Variants in SECISBP2L observed in about 807,000 individuals in gnomAD.
The protein encoded by SECISBP2L is SECIS binding protein 2 like, also known as selenocysteine insertion sequence-binding protein 2-like.
A neutral mutation model predicts 114.7 loss-of-function variants in SECISBP2L; 43 were observed. The observed-to-expected ratio is 0.38, with a 90% confidence interval of 0.29 to 0.48. The LOEUF is 0.48. SECISBP2L is among the 20% of genes least tolerant of loss of function. The pLI is 0.98. For missense variants in SECISBP2L, 1,136 were observed against 1,301.1 expected (o/e 0.87, Z 1.95); for synonymous variants, 451 against 439.7 (o/e 1.03, Z -0.32).
At chr15:49,036,092 G>A (rs1333964697) in intron 2 of SECISBP2L, among the ~76,000 whole-genome samples, 1 of 152,178 alleles carries the variant, frequency 6.6e-6, no homozygotes, top group Admixed American at 6.5e-5. Flanking sequence ...TACATAGGGT[G>A]ATTTAATTCC....
intron 1 of SECISBP2L, among the ~76,000 whole-genome samples, chr15:49,039,576 T>A (rs1044178974): frequency 2.4e-4 from 36 of 147,952 alleles, no homozygotes; most frequent in Admixed American, 1.1e-3. Context: ...GGGGTGGAGG[T>A]GGAGGTGGGG....
chr15:49,013,003 A>C, intron 11 of SECISBP2L, 186 bp from the exon 12 acceptor site: 1 of 571,676 alleles, frequency 1.7e-6, no homozygotes, highest in Non-Finnish European at 3.0e-6. Flanking sequence ...TTTAGAGACT[A>C]AGCCAATGCA....
intron 1 of SECISBP2L, among the ~76,000 whole-genome samples, chr15:49,044,080 A>G (rs1001893115): frequency 1.3e-5 from 2 of 152,152 alleles, no homozygotes; most frequent in African/African-American, 4.8e-5. Context: ...ATGAATTGCT[A>G]ACTACCACAA....
At chr15:49,045,938 G>A (rs908735979) in intron 1 of SECISBP2L, among the ~76,000 whole-genome samples, 39 of 152,158 alleles carry the variant, frequency 2.6e-4, no homozygotes, top group African/African-American at 9.2e-4. Flanking sequence ...TTCCAGAGCT[G>A]AAGGGAATGG....
At chr15:48,994,654 T>C (rs898218910) in intron 17 of SECISBP2L, among the ~76,000 whole-genome samples, 10 of 152,302 alleles carry the variant, frequency 6.6e-5, no homozygotes, top group African/African-American at 2.2e-4. Context: ...CACTCTTAAA[T>C]GTTAGTTCCT....
chr15:49,037,555 C>G (rs752731992), intron 2 of SECISBP2L, 36 bp downstream of exon 2: 2 of 1,584,758 alleles, frequency 1.3e-6, no homozygotes, highest in African/African-American at 2.7e-5. Context: ...TTTATAGCCA[C>G]CCCCACAAAA....
intron 13 of SECISBP2L, among the ~76,000 whole-genome samples, chr15:49,010,842 T>G (rs1185728889): frequency 6.6e-6 from 1 of 152,220 alleles, no homozygotes. Flanking sequence ...CCTACTGGGC[T>G]GTAAGCTCTT....
chr15:49,046,175 G>T (rs951217627), intron 1 of SECISBP2L, 101 bp downstream of exon 1: 1 of 1,388,854 alleles, frequency 7.2e-7, no homozygotes, highest in Non-Finnish European at 9.7e-7. Context: ...TGCGGCCGCA[G>T]GACCGGCCCC....
rs931723432 is a variant in SECISBP2L at position 48,989,109 on chromosome 15, A to G, written c.*3135T>C. On this transcript the variant is annotated 3_prime_UTR_variant, in exon 18 of 18. Transcript: ENST00000559471. ...GTTCTAACCTGTTGGCCCAACATAC[A>G]GAAAATACATGACAAGGGTGTTTTT... The G allele has an allele frequency of 1.4e-5, 2 of 147,416 alleles. No homozygotes were observed. Among genetic ancestry groups the G allele is most frequent in the African/African-American group, 2.5e-5 (1 of 40,576 alleles). The allele number at this position is 147,416 out of a possible 1,614,324, so 9.1% of individuals were successfully genotyped here.
At chr15:49,028,372 A>C in intron 5 of SECISBP2L, 81 bp downstream of exon 5, 1 of 1,324,496 alleles carries the variant, frequency 7.6e-7, no homozygotes, top group Non-Finnish European at 1.1e-6. Flanking sequence ...ATGAAAACAG[A>C]TACTTAAGCT....
rs1902198474 is a variant in SECISBP2L at position 49,001,116 on chromosome 15, A to T, written c.2028-19T>A. The T allele has an allele frequency of 2.6e-6, 4 of 1,539,762 alleles. No homozygotes were observed. Among genetic ancestry groups the T allele is most frequent in the South Asian group, 1.2e-5 (1 of 83,600 alleles). Reference sequence around the variant, plus strand: ...ACAATACCTGTAAAAAAAAACCAAAATGGGTAACTCCATCCTAATTTTTTT... The same window carrying T: ...ACAATACCTGTAAAAAAAAACCAAATTGGGTAACTCCATCCTAATTTTTTT... On this transcript the variant is annotated intron_variant, in intron 14 of 17. Transcript: ENST00000559471.
intron 2 of SECISBP2L, among the ~76,000 whole-genome samples, chr15:49,035,999 T>C (rs896249947): frequency 2.0e-5 from 3 of 152,192 alleles, no homozygotes; most frequent in Non-Finnish European, 2.9e-5. Context: ...ACAATGGCAG[T>C]CCAAAGTTCC....
intron 7 of SECISBP2L, among the ~76,000 whole-genome samples, chr15:49,022,545 T>A (rs1902661374): frequency 1.3e-5 from 2 of 151,504 alleles, no homozygotes; most frequent in South Asian, 4.2e-4. Flanking sequence ...GAGGTTGCAG[T>A]GAGCTGAGAT....
chr15:49,034,541 A>G (rs1411200202), intron 3 of SECISBP2L, among the ~76,000 whole-genome samples: 1 of 152,142 alleles, frequency 6.6e-6, no homozygotes, highest in African/African-American at 2.4e-5. Flanking sequence ...CCTCTTAAAT[A>G]ACAAAGTGCT....
rs140688864 is a variant in SECISBP2L, at chr15:48,992,293, G to A, written c.3257C>T (p.Ser1086Leu). 340 of 1,613,114 alleles carry A rather than the reference G, an allele frequency of 2.1e-4. 2 individuals carry two copies. The East Asian group carries it at 4.6e-3, about 22-fold the overall frequency. ...AGAATCAGAGTGCTCTTTGTTGAGC[G>A]AGCTGCAGTTGCTGGACTTCTGCTG... is the stretch of plus-strand genomic sequence containing the variant. ...PGQQKSSNCS[S>L]LNKEHSDSNY... The change falls in exon 18 of 18, where the codon TCG becomes TTG. Residue 1086 changes from serine to leucine, a missense_variant. By Grantham distance (145) the Ser-to-Leu change is moderately radical. Transcript: ENST00000559471.
intron 6 of SECISBP2L, 67 bp from the exon 7 acceptor site, chr15:49,027,547 C>A: frequency 1.2e-6 from 1 of 859,256 alleles, no homozygotes; most frequent in East Asian, 2.7e-5. Context: ...ATTGACCTGA[C>A]TTCACATACT....
intron 2 of SECISBP2L, 122 bp from the exon 3 acceptor site, chr15:49,035,780 G>C (rs931659166): frequency 1.1e-6 from 1 of 885,492 alleles, no homozygotes; most frequent in Non-Finnish European, 1.7e-6. Context: ...GATAATTTTG[G>C]GAAAGGAGAC....
chr15:48,999,595 C>A (rs1026771420), intron 16 of SECISBP2L, among the ~76,000 whole-genome samples: 3 of 152,054 alleles, frequency 2.0e-5, no homozygotes, highest in African/African-American at 4.8e-5. Context: ...AAGAAAAAAA[C>A]CACTTTGGCA....
chr15:49,028,606 TCTC>T lies in SECISBP2L; in HGVS notation c.738_740del (p.Arg249del). On this transcript the variant is annotated inframe_deletion, in exon 5 of 18. Transcript: ENST00000559471. Reference sequence around the variant, plus strand: ...CAGCAGTAGGGTGGGATGCTCTTCTTCTCCTGCCCTTGGACTTCCAGAGCATTG... The same window carrying T: ...CAGCAGTAGGGTGGGATGCTCTTCTTCTGCCCTTGGACTTCCAGAGCATTG... 4 of 1,614,090 alleles carry T rather than the reference TCTC, an allele frequency of 2.5e-6. No individual in the cohort carries two copies. The highest frequency in any genetic ancestry group is 3.4e-6 in the Non-Finnish European group (4 of 1,180,002).
Sources: allele counts gnomAD v4.1 joint callset (sites outside exome capture counted in the v4.1 genomes callset), GRCh38; gene constraint gnomAD v4.1.1; transcripts MANE v1.5; gene names NCBI Gene and HGNC (gene_info 2026-07-23, HGNC 2026-07-21).